Variants in ME3 observed in about 807,000 individuals in gnomAD.
The protein encoded by ME3 is NADP-dependent malic enzyme, mitochondrial.
In ME3, 48 loss-of-function variants were observed where a neutral mutation model predicts 68.9. The observed-to-expected ratio is 0.70, with a 90% CI of 0.55 to 0.89. The LOEUF (loss-of-function observed/expected upper bound fraction) is 0.89. Among genes scored for constraint, ME3 ranks in the 40% least tolerant of loss-of-function variants. ME3 has a pLI of 0.00. For synonymous variants in ME3, 320 were observed against 318.8 expected, an observed-to-expected ratio of 1.00 and a Z score of -0.04; for missense variants, 675 against 797.4, an observed-to-expected ratio of 0.85 and a Z score of 1.85.
intron 2 of ME3, among the ~76,000 whole-genome samples, chr11:86,619,859 G>A (rs1943234115): frequency 6.6e-6 from 1 of 152,136 alleles, no homozygotes; most frequent in African/African-American, 2.4e-5. Context: ...ATTAATTAGG[G>A]CAGCAAATTC....
At chr11:86,509,706 T>C (rs551042146) in intron 4 of ME3, among the ~76,000 whole-genome samples, 9 of 146,058 alleles carry the variant, frequency 6.2e-5, no homozygotes, top group African/African-American at 2.3e-4. Flanking sequence ...CTCCCCAATC[T>C]ACCCAAATTA....
At chr11:86,619,786 C>T (rs1440523889) in intron 2 of ME3, among the ~76,000 whole-genome samples, 2 of 152,224 alleles carry the variant, frequency 1.3e-5, no homozygotes, top group African/African-American at 4.8e-5. Context: ...CAGACTAATA[C>T]AGTTGTCAAC....
intron 2 of ME3, among the ~76,000 whole-genome samples, chr11:86,585,822 A>G (rs1439070890): frequency 1.3e-5 from 2 of 150,366 alleles, no homozygotes; most frequent in Non-Finnish European, 1.5e-5. Flanking sequence ...TTAAGGCTGG[A>G]TAAAGGAGGA....
chr11:86,458,664 G>T (rs1464664077), intron 8 of ME3, among the ~76,000 whole-genome samples: 1 of 152,122 alleles, frequency 6.6e-6, no homozygotes, highest in Non-Finnish European at 1.5e-5. Context: ...AAAGGTTAAA[G>T]AGACCAGGGG....
intron 7 of ME3, among the ~76,000 whole-genome samples, chr11:86,472,768 G>C (rs936896505): frequency 6.6e-6 from 1 of 152,204 alleles, no homozygotes; most frequent in Non-Finnish European, 1.5e-5. Flanking sequence ...TGAGTCCTCG[G>C]AGGCAATGAT....
At chr11:86,461,635 G>C (rs1304749831) in intron 8 of ME3, among the ~76,000 whole-genome samples, 1 of 152,186 alleles carries the variant, frequency 6.6e-6, no homozygotes, top group Non-Finnish European at 1.5e-5. Context: ...CACTGGGTGA[G>C]GCCAGGCCCT....
At chr11:86,656,868 A>G (rs1481924754) in intron 2 of ME3, among the ~76,000 whole-genome samples, 1 of 151,824 alleles carries the variant, frequency 6.6e-6, no homozygotes, top group African/African-American at 2.4e-5. Flanking sequence ...AAAAAAAAAA[A>G]GCTCATGATC....
At chr11:86,660,120 T>C (rs1348054147) in intron 2 of ME3, among the ~76,000 whole-genome samples, 3 of 152,220 alleles carry the variant, frequency 2.0e-5, no homozygotes, top group Non-Finnish European at 4.4e-5. Flanking sequence ...AGGCTTAAGC[T>C]CTATCCAGTA....
chr11:86,549,105 C>T (rs1319817085), intron 4 of ME3, among the ~76,000 whole-genome samples: 1 of 152,230 alleles, frequency 6.6e-6, no homozygotes, highest in African/African-American at 2.4e-5. Flanking sequence ...TTACTTTAAC[C>T]TGTTAGCTTC....
At chr11:86,573,389 C>A (rs1957914445) in intron 2 of ME3, among the ~76,000 whole-genome samples, 1 of 146,938 alleles carries the variant, frequency 6.8e-6, no homozygotes, top group Non-Finnish European at 1.5e-5. Context: ...CCTAGGTTTT[C>A]TTCTAGGGTT....
intron 4 of ME3, among the ~76,000 whole-genome samples, chr11:86,532,909 C>A (rs546472983): frequency 1.3e-5 from 2 of 152,106 alleles, no homozygotes; most frequent in South Asian, 2.1e-4. Context: ...AAAAATTAGC[C>A]GGGCATGTTT....
chr11:86,647,945 C>A (rs1028952375), intron 2 of ME3, among the ~76,000 whole-genome samples: 7 of 152,206 alleles, frequency 4.6e-5, no homozygotes, highest in Non-Finnish European at 4.4e-5. Flanking sequence ...CCCAAATCAA[C>A]AGAATATACA....
intron 7 of ME3, among the ~76,000 whole-genome samples, chr11:86,480,921 G>T (rs1451119342): frequency 6.6e-6 from 1 of 152,144 alleles, no homozygotes; most frequent in Non-Finnish European, 1.5e-5. Flanking sequence ...ATAAAACTGT[G>T]GAAAGTCTCT....
At chr11:86,580,661 C>T (rs1012650399) in intron 2 of ME3, among the ~76,000 whole-genome samples, 5 of 152,168 alleles carry the variant, frequency 3.3e-5, no homozygotes, top group African/African-American at 7.2e-5. Flanking sequence ...CACATCCCTA[C>T]GAAATAGAAA....
At chr11:86,487,417 G>A (rs1180384654) in exon 7 of ME3, 2 of 1,613,924 alleles carry the variant, frequency 1.2e-6, no homozygotes, top group Admixed American at 1.7e-5. Context: ...TCAGGCCGAT[G>A]TACAGAGGGT....
At chr11:86,656,335 A>G (rs973178758) in intron 2 of ME3, among the ~76,000 whole-genome samples, 1 of 151,890 alleles carries the variant, frequency 6.6e-6, no homozygotes, top group Non-Finnish European at 1.5e-5. Flanking sequence ...AATAGCAAAG[A>G]CTTGGAACCA....
intron 8 of ME3, among the ~76,000 whole-genome samples, chr11:86,460,657 T>G (rs1950184515): frequency 6.6e-6 from 1 of 152,236 alleles, no homozygotes; most frequent in African/African-American, 2.4e-5. Context: ...GGTTTCTGTT[T>G]ACAACTATGA....
At chr11:86,582,402 T>C (rs1204168770) in intron 2 of ME3, among the ~76,000 whole-genome samples, 1 of 152,180 alleles carries the variant, frequency 6.6e-6, no homozygotes, top group Non-Finnish European at 1.5e-5. Flanking sequence ...CCTGTAAATG[T>C]TGATTCCAGG....
intron 7 of ME3, among the ~76,000 whole-genome samples, chr11:86,465,934 G>A (rs1453415156): frequency 6.6e-6 from 1 of 152,146 alleles, no homozygotes; most frequent in Non-Finnish European, 1.5e-5. Flanking sequence ...CACCCCAGAT[G>A]GTTCTGATTC....
Sources: gnomAD v4.1 joint callset for allele counts (sites outside exome capture counted in the v4.1 genomes callset) on GRCh38, gnomAD v4.1.1 for gene constraint, MANE v1.5 for transcripts, NCBI Gene and HGNC (gene_info 2026-07-23, HGNC 2026-07-21) for gene names.